Variants in AK5 observed in about 807,000 individuals in gnomAD.
The protein encoded by AK5 is adenylate kinase 5.
AK5 carries 27 observed loss-of-function variants against 69.5 expected under a neutral mutation model. That is an observed-to-expected ratio of 0.39 (90% CI 0.29 to 0.54). The LOEUF is 0.54. AK5 is among the 20% of genes least tolerant of loss of function. AK5 has a pLI of 0.71. For synonymous variants in AK5, 260 were observed against 244.4 expected, an observed-to-expected ratio of 1.06 and a Z score of -0.60; for missense variants, 531 against 700.4, an observed-to-expected ratio of 0.76 and a Z score of 2.73.
chr1:77,367,821 TTA>T (rs1557534142), intron 6 of AK5, among the ~76,000 whole-genome samples: 4 of 5,302 alleles, frequency 7.5e-4, no homozygotes, highest in Admixed American at 3.8e-3. Flanking sequence ...GTTATATATA[TTA>T]TATATAATAT....
At chr1:77,364,437 G>C (rs567301149) in intron 6 of AK5, among the ~76,000 whole-genome samples, 2 of 152,072 alleles carry the variant, frequency 1.3e-5, no homozygotes, top group Non-Finnish European at 2.9e-5. Flanking sequence ...GTTAACTATA[G>C]TCATCCTATA....
At chr1:77,493,852 G>A (rs867369007) in intron 10 of AK5, among the ~76,000 whole-genome samples, 5 of 152,356 alleles carry the variant, frequency 3.3e-5, no homozygotes, top group Middle Eastern at 6.8e-3. Flanking sequence ...TTGGAGAAAT[G>A]TGGGCATTTT....
intron 5 of AK5, among the ~76,000 whole-genome samples, chr1:77,316,866 T>C (rs1211348436): frequency 6.6e-6 from 1 of 152,190 alleles, no homozygotes; most frequent in East Asian, 1.9e-4. Context: ...ATAATTGCCT[T>C]ATGCCAAGTG....
At chr1:77,327,273 TC>T (rs1447668796) in intron 5 of AK5, among the ~76,000 whole-genome samples, 1 of 151,708 alleles carries the variant, frequency 6.6e-6, no homozygotes, top group Admixed American at 6.6e-5. Flanking sequence ...GCACCAGTAG[TC>T]CCAGCTATTC....
intron 5 of AK5, among the ~76,000 whole-genome samples, chr1:77,332,436 A>G (rs900008825): frequency 6.7e-6 from 1 of 150,028 alleles, no homozygotes; most frequent in Non-Finnish European, 1.5e-5. Context: ...CAGATAGATC[A>G]CTGATTTCAA....
At chr1:77,464,511 A>T (rs1654025326) in intron 8 of AK5, among the ~76,000 whole-genome samples, 1 of 152,196 alleles carries the variant, frequency 6.6e-6, no homozygotes, top group South Asian at 2.1e-4. Flanking sequence ...CAGTCTTAAA[A>T]TGAGTCTTTT....
At chr1:77,472,502 C>T (rs956946818) in intron 8 of AK5, among the ~76,000 whole-genome samples, 20 of 151,944 alleles carry the variant, frequency 1.3e-4, no homozygotes, top group African/African-American at 4.6e-4. Context: ...GACCCATACC[C>T]ATAATGCAAG....
intron 13 of AK5, among the ~76,000 whole-genome samples, chr1:77,538,370 AAAC>A (rs1368675060): frequency 6.6e-6 from 1 of 151,368 alleles, no homozygotes; most frequent in Non-Finnish European, 1.5e-5. Context: ...CAAAAAAAAA[AAAC>A]ATAAACAAAA....
chr1:77,312,644 A>G (rs913937547), intron 5 of AK5, among the ~76,000 whole-genome samples: 7 of 151,712 alleles, frequency 4.6e-5, no homozygotes, highest in African/African-American at 1.7e-4. Flanking sequence ...AAGTCCCTTA[A>G]GCAATCTGGT....
At chr1:77,351,427 G>T (rs1329385610) in intron 6 of AK5, among the ~76,000 whole-genome samples, 1 of 152,064 alleles carries the variant, frequency 6.6e-6, no homozygotes, top group Non-Finnish European at 1.5e-5. Context: ...AATAGCTATG[G>T]CTTAAATTAA....
intron 5 of AK5, among the ~76,000 whole-genome samples, chr1:77,307,793 G>A (rs75545628): frequency 0.018 from 2,780 of 152,314 alleles, 85 homozygotes; most frequent in African/African-American, 0.063. Flanking sequence ...AGGGATGAGG[G>A]AGGAGTGGCA....
At chr1:77,374,436 T>TA (rs1163561022) in intron 6 of AK5, among the ~76,000 whole-genome samples, 18 of 149,002 alleles carry the variant, frequency 1.2e-4, no homozygotes, top group Non-Finnish European at 1.6e-4. Context: ...TTTTTTTTTT[T>TA]AAGAACCAAG....
chr1:77,442,697 A>G (rs1652402287), intron 8 of AK5, among the ~76,000 whole-genome samples: 1 of 152,078 alleles, frequency 6.6e-6, no homozygotes, highest in African/African-American at 2.4e-5. Context: ...TCATTGTTTT[A>G]TCTGTCTTTG....
At chr1:77,410,339 G>A (rs1436909255) in intron 6 of AK5, among the ~76,000 whole-genome samples, 4 of 151,824 alleles carry the variant, frequency 2.6e-5, no homozygotes, top group African/African-American at 7.3e-5. Context: ...GTACAGCAGC[G>A]CCATCTTGGC....
At chr1:77,319,313 A>G (rs1185652848) in intron 5 of AK5, among the ~76,000 whole-genome samples, 1 of 152,200 alleles carries the variant, frequency 6.6e-6, no homozygotes, top group Non-Finnish European at 1.5e-5. Context: ...AAGAGAACTG[A>G]TTTATACATT....
chr1:77,426,943 T>C (rs1042818303), intron 8 of AK5, among the ~76,000 whole-genome samples: 3 of 152,024 alleles, frequency 2.0e-5, no homozygotes, highest in Non-Finnish European at 4.4e-5. Flanking sequence ...TAAATGAAAA[T>C]GAAAATTTAA....
chr1:77,400,933 T>TA (rs71689422), intron 6 of AK5, among the ~76,000 whole-genome samples: 29,220 of 115,086 alleles, frequency 0.25, 3,919 homozygotes, highest in African/African-American at 0.31. Context: ...TTCATTCTGT[T>TA]AAAAAAAAAA....
At chr1:77,555,958 C>G (rs760690571) in intron 13 of AK5, among the ~76,000 whole-genome samples, 1 of 152,230 alleles carries the variant, frequency 6.6e-6, no homozygotes, top group Non-Finnish European at 1.5e-5. Context: ...ATGAACATGG[C>G]AAAGGCAAAG....
chr1:77,500,533 C>T (rs568221948), intron 10 of AK5, among the ~76,000 whole-genome samples: 5 of 152,234 alleles, frequency 3.3e-5, no homozygotes, highest in Non-Finnish European at 5.9e-5. Context: ...AATCCCAGCA[C>T]TTTAGGAGGC....
Sources: allele counts gnomAD v4.1 joint callset (sites outside exome capture counted in the v4.1 genomes callset), GRCh38; gene constraint gnomAD v4.1.1; transcripts MANE v1.5; gene names NCBI Gene and HGNC (gene_info 2026-07-23, HGNC 2026-07-21).